Variants in SCFD2 observed in about 807,000 individuals in gnomAD.
SCFD2 encodes the protein sec1 family domain containing 2.
SCFD2 carries 54 observed loss-of-function variants against 58.9 expected under a neutral mutation model. That is an observed-to-expected ratio of 0.92 (90% CI 0.74 to 1.15). The LOEUF is 1.15. Ranked by LOEUF, SCFD2 falls within the 50% of genes most tolerant of loss-of-function variation. SCFD2 has a pLI of 0.00. For synonymous variants in SCFD2, 321 were observed against 335.9 expected, an observed-to-expected ratio of 0.96 and a Z score of 0.49; for missense variants, 805 against 836.6, an observed-to-expected ratio of 0.96 and a Z score of 0.47.
rs1430444437 is a variant in SCFD2, at chr4:52,922,246, T to C, written c.1562-1376A>G. ...CCCATTTAAAGTATAAAATTCAAAG[T>C]TTTTAGCATATTCTGAGTTTAACAA... On this transcript the variant is annotated intron_variant, in intron 5 of 8. Transcript: ENST00000401642. Among the ~76,000 whole-genome samples the C allele has an allele frequency of 3.3e-5, 5 of 152,128 alleles. No individual in the cohort carries two copies. The East Asian group carries it at 9.6e-4, about 29-fold the overall frequency.
At chr4:53,229,436 G>A (rs1052196113) in intron 4 of SCFD2, among the ~76,000 whole-genome samples, 3 of 152,132 alleles carry the variant, frequency 2.0e-5, no homozygotes, top group Non-Finnish European at 1.5e-5. Context: ...TAGACCAATG[G>A]AACAGAACAG....
chr4:53,358,840 C>T (rs1301775991), intron 1 of SCFD2, among the ~76,000 whole-genome samples: 1 of 152,152 alleles, frequency 6.6e-6, no homozygotes, highest in East Asian at 1.9e-4. Context: ...TGCAAACATG[C>T]CTGACCCATA....
At chr4:53,198,369 AT>A (rs1728123104) in intron 4 of SCFD2, among the ~76,000 whole-genome samples, 1 of 151,944 alleles carries the variant, frequency 6.6e-6, no homozygotes, top group Non-Finnish European at 1.5e-5. Flanking sequence ...TTCAAACAGG[AT>A]TTTTTTAAAT....
chr4:53,284,184 T>C (rs1731594576), intron 3 of SCFD2, among the ~76,000 whole-genome samples: 1 of 151,782 alleles, frequency 6.6e-6, no homozygotes, highest in Non-Finnish European at 1.5e-5. Flanking sequence ...GATTGATAAG[T>C]TTCTTTCATG....
intron 5 of SCFD2, among the ~76,000 whole-genome samples, chr4:53,135,869 TTTAC>T (rs1361337994): frequency 6.6e-6 from 1 of 152,192 alleles, no homozygotes; most frequent in Non-Finnish European, 1.5e-5. Flanking sequence ...CCTAACCTAC[TTTAC>T]TTATTTATAT....
chr4:53,237,369 G>A (rs547609200), intron 4 of SCFD2, among the ~76,000 whole-genome samples: 5 of 151,650 alleles, frequency 3.3e-5, no homozygotes, highest in South Asian at 2.1e-4. Flanking sequence ...CCTCCCAGAC[G>A]GGGTGGTGGC....
In SCFD2 at chr4:53,328,890, A is replaced by G. The variant is rs550503112; in HGVS notation, c.1008-15127T>C. 1.0e-3 allele frequency among the ~76,000 whole-genome samples: 158 copies of G among 152,328 alleles called. 1 individual carries two copies. Among genetic ancestry groups the G allele is most frequent in the African/African-American group, 3.6e-3 (149 of 41,586 alleles). On this transcript the variant is annotated intron_variant, in intron 2 of 8. Coordinates refer to ENST00000401642, the MANE Select transcript of SCFD2 (RefSeq NM_152540.4). The stretch of plus-strand genomic sequence containing the variant: ...TGGGCGCAGGTCAGTGGGTGCGCGC[A>G]CCATGCGCGAGCCGAAGCAGGGCGA...
chr4:53,343,222 T>A (rs1733941646), intron 2 of SCFD2, among the ~76,000 whole-genome samples: 1 of 150,526 alleles, frequency 6.6e-6, no homozygotes, highest in Non-Finnish European at 1.5e-5. Context: ...ACAAGACTAA[T>A]AAAAGAGAGA....
chr4:53,254,070 C>G (rs919670823), intron 4 of SCFD2, among the ~76,000 whole-genome samples: 24 of 152,004 alleles, frequency 1.6e-4, no homozygotes, highest in Non-Finnish European at 2.9e-5. Context: ...TAGAGGGGAA[C>G]AACACACACT....
intron 4 of SCFD2, among the ~76,000 whole-genome samples, chr4:53,253,927 A>G (rs999307761): frequency 2.6e-4 from 40 of 151,736 alleles, no homozygotes; most frequent in African/African-American, 9.4e-4. Flanking sequence ...AAAAAAAAAA[A>G]TCATGTCCTT....
At chr4:53,319,436 C>T (rs954605712) in intron 2 of SCFD2, among the ~76,000 whole-genome samples, 63 of 152,268 alleles carry the variant, frequency 4.1e-4, no homozygotes, top group African/African-American at 1.4e-3. Flanking sequence ...AAGCAAAAAC[C>T]TAGTCTAAAT....
intron 2 of SCFD2, among the ~76,000 whole-genome samples, chr4:53,316,186 C>T (rs1044866893): frequency 6.6e-6 from 1 of 152,192 alleles, no homozygotes; most frequent in Non-Finnish European, 1.5e-5. Flanking sequence ...CTACATAATT[C>T]TAATTACCAG....
chr4:53,153,522 C>T (rs1383670304), intron 4 of SCFD2, among the ~76,000 whole-genome samples: 2 of 152,150 alleles, frequency 1.3e-5, no homozygotes, highest in Non-Finnish European at 2.9e-5. Flanking sequence ...ACTATTCTTT[C>T]CTCCTACACC....
chr4:53,028,036 C>T (rs1390409421), intron 5 of SCFD2, among the ~76,000 whole-genome samples: 1 of 151,992 alleles, frequency 6.6e-6, no homozygotes, highest in Admixed American at 6.5e-5. Flanking sequence ...CACTTGAGGT[C>T]AGGAGTTTGA....
chr4:53,336,575 A>G (rs1733690890), intron 2 of SCFD2, among the ~76,000 whole-genome samples: 1 of 151,826 alleles, frequency 6.6e-6, no homozygotes, highest in African/African-American at 2.4e-5. Context: ...CCCAGACTGG[A>G]ATACAGTGGT....
chr4:53,317,933 T>G (rs189573820), intron 2 of SCFD2, among the ~76,000 whole-genome samples: 2 of 152,252 alleles, frequency 1.3e-5, no homozygotes, highest in Admixed American at 1.3e-4. Flanking sequence ...GCAGCAGCAG[T>G]AGTAATAAAA....
intron 7 of SCFD2, among the ~76,000 whole-genome samples, chr4:52,889,131 T>G (rs530003563): frequency 1.1e-4 from 17 of 152,336 alleles, no homozygotes; most frequent in Admixed American, 2.6e-4. Flanking sequence ...TCTCCTTGAT[T>G]ACTTCCACAT....
chr4:53,187,421 C>G (rs1299860681), intron 4 of SCFD2, among the ~76,000 whole-genome samples: 1 of 151,622 alleles, frequency 6.6e-6, no homozygotes, highest in Non-Finnish European at 1.5e-5. Flanking sequence ...CCATAAAAAT[C>G]TAAAAAAAGA....
chr4:53,052,831 GCAA>G (rs1255980222), intron 5 of SCFD2, among the ~76,000 whole-genome samples: 1 of 152,122 alleles, frequency 6.6e-6, no homozygotes, highest in Non-Finnish European at 1.5e-5. Flanking sequence ...ACTGCGACAT[GCAA>G]CAACATGATG....
Sources: gnomAD v4.1 joint callset for allele counts (sites outside exome capture counted in the v4.1 genomes callset) on GRCh38, gnomAD v4.1.1 for gene constraint, MANE v1.5 for transcripts, NCBI Gene and HGNC (gene_info 2026-07-23, HGNC 2026-07-21) for gene names.